The following ARHGEF3 variants were observed in gnomAD, a reference collection of about 807,000 sequenced individuals.
ARHGEF3 encodes the protein 59.8 kDA protein.
In ARHGEF3, 28 loss-of-function variants were observed where a neutral mutation model predicts 63.2. The ratio of observed to expected loss-of-function variants is 0.44; its 90% CI spans 0.33 to 0.61. ARHGEF3 has a LOEUF of 0.61. Ranked by LOEUF, ARHGEF3 falls within the 20% of genes least tolerant of loss-of-function variation. The pLI is 0.03. For missense variants in ARHGEF3, 533 were observed against 659.3 expected (o/e 0.81, Z 2.10); for synonymous variants, 266 against 254.2 (o/e 1.05, Z -0.44).
At chr3:56,953,496 A>C (rs1177100773) in intron 3 of ARHGEF3, among the ~76,000 whole-genome samples, 1 of 152,148 alleles carries the variant, frequency 6.6e-6, no homozygotes, top group Non-Finnish European at 1.5e-5. Context: ...TTTGGTAACA[A>C]CACCAAACTC....
intron 3 of ARHGEF3, among the ~76,000 whole-genome samples, chr3:56,928,282 C>T (rs112963755): frequency 0.021 from 3,248 of 152,278 alleles, 107 homozygotes; most frequent in African/African-American, 0.071. Flanking sequence ...CTTATCACCA[C>T]AGCAACCCTC....
chr3:56,853,663 A>G (rs1303335912), intron 4 of ARHGEF3, among the ~76,000 whole-genome samples: 1 of 152,190 alleles, frequency 6.6e-6, no homozygotes, highest in Non-Finnish European at 1.5e-5. Context: ...ATGTTGCTCA[A>G]TGTTAAGAAC....
chr3:56,992,364 G>A (rs1320125160), intron 2 of ARHGEF3, among the ~76,000 whole-genome samples: 1 of 121,274 alleles, frequency 8.2e-6, no homozygotes, highest in East Asian at 2.3e-4. Flanking sequence ...CTATGGTAGG[G>A]AGGATGGCTT....
intron 2 of ARHGEF3, among the ~76,000 whole-genome samples, chr3:56,968,319 A>ATATT (rs1201023941): frequency 2.1e-4 from 12 of 58,144 alleles, no homozygotes; most frequent in South Asian, 4.2e-4. Flanking sequence ...TATAAAATAT[A>ATATT]TTTTATATAT....
intron 1 of ARHGEF3, chr3:56,775,345 C>T (rs2036236293): frequency 8.9e-7 from 1 of 1,127,948 alleles, no homozygotes; most frequent in Non-Finnish European, 1.1e-6. Context: ...AATAGACTGT[C>T]TCCAAGCTTT....
chr3:56,752,660 T>C (rs1421676297), intron 4 of ARHGEF3, among the ~76,000 whole-genome samples: 1 of 152,226 alleles, frequency 6.6e-6, no homozygotes, highest in Admixed American at 6.5e-5. Flanking sequence ...GTGCTTGAGT[T>C]TGGCAAATCT....
At position 57,039,165 on chromosome 3, in the gene ARHGEF3, G is replaced by A. The variant is rs553666299; in HGVS notation, c.-27-3989C>T. ...AAAACTCTGGCACCACCACTCCCTCGTTCCTCTCCTCAGCTGGCAGGATCA... is the reference window on the plus strand; with the variant it reads ...AAAACTCTGGCACCACCACTCCCTCATTCCTCTCCTCAGCTGGCAGGATCA... On this transcript the variant is annotated intron_variant, in intron 1 of 12. Coordinates refer to the ARHGEF3 transcript ENST00000338458. Among the ~76,000 whole-genome samples the A allele has an allele frequency of 1.8e-4, 27 of 152,224 alleles. No individual in the cohort carries two copies. In the Middle Eastern group the frequency reaches 0.014, roughly 77 times the overall value.
At chr3:56,931,751 A>G (rs1453513368) in intron 3 of ARHGEF3, among the ~76,000 whole-genome samples, 3 of 152,158 alleles carry the variant, frequency 2.0e-5, no homozygotes, top group Non-Finnish European at 4.4e-5. Flanking sequence ...GTCCCAAGCA[A>G]GCACTCAGAA....
At chr3:56,901,859 C>T (rs578054761) in intron 3 of ARHGEF3, among the ~76,000 whole-genome samples, 57 of 152,198 alleles carry the variant, frequency 3.7e-4, no homozygotes, top group Non-Finnish European at 6.3e-4. Context: ...TTCTGCTTAA[C>T]GACACCTTAT....
At chr3:56,855,861 C>G (rs762215961) in intron 4 of ARHGEF3, among the ~76,000 whole-genome samples, 1 of 152,144 alleles carries the variant, frequency 6.6e-6, no homozygotes, top group Non-Finnish European at 1.5e-5. Flanking sequence ...CAGTTACCGT[C>G]AGAAAAGGCA....
intron 2 of ARHGEF3, among the ~76,000 whole-genome samples, chr3:56,763,650 T>A (rs143889276): frequency 7.9e-5 from 12 of 152,328 alleles, no homozygotes; most frequent in Admixed American, 2.0e-4. Context: ...TACAACAAAA[T>A]GTTAACAAGG....
chr3:57,035,870 T>C (rs936684200), intron 1 of ARHGEF3, among the ~76,000 whole-genome samples: 12 of 152,212 alleles, frequency 7.9e-5, no homozygotes, highest in African/African-American at 2.4e-4. Flanking sequence ...TGTGATTGCA[T>C]CTAGCACAGC....
intron 7 of ARHGEF3, among the ~76,000 whole-genome samples, chr3:56,741,184 C>CCTTTTTT (rs754074079): frequency 7.8e-6 from 1 of 128,872 alleles, no homozygotes; most frequent in Non-Finnish European, 1.6e-5. Flanking sequence ...TGCTTTGGTT[C>CCTTTTTT]TTTTTTTTTT....
chr3:56,734,770 G>A (rs1442393093), intron 8 of ARHGEF3, among the ~76,000 whole-genome samples: 2 of 152,038 alleles, frequency 1.3e-5, no homozygotes, highest in Non-Finnish European at 2.9e-5. Flanking sequence ...TGGCTAGAGG[G>A]AATAAAATGT....
chr3:56,794,219 G>A (rs2037226427), intron 1 of ARHGEF3, among the ~76,000 whole-genome samples: 3 of 152,140 alleles, frequency 2.0e-5, no homozygotes, highest in Admixed American at 6.5e-5. Flanking sequence ...CAGGCATGGT[G>A]GCTCACGCCT....
At chr3:56,800,139 T>A (rs938871882) in intron 1 of ARHGEF3, among the ~76,000 whole-genome samples, 4 of 152,208 alleles carry the variant, frequency 2.6e-5, no homozygotes, top group Non-Finnish European at 5.9e-5. Flanking sequence ...GCTAAACTAC[T>A]CAAAAACACA....
chr3:56,767,487 G>C (rs1403634054), intron 2 of ARHGEF3, among the ~76,000 whole-genome samples: 2 of 145,976 alleles, frequency 1.4e-5, no homozygotes, highest in Non-Finnish European at 3.0e-5. Flanking sequence ...GGGAGGCCGA[G>C]ACAGGAGAAT....
At chr3:56,807,987 G>A (rs2037925296) in intron 4 of ARHGEF3, among the ~76,000 whole-genome samples, 1 of 152,086 alleles carries the variant, frequency 6.6e-6, no homozygotes, top group Admixed American at 6.5e-5. Context: ...AGCCAGGCAT[G>A]GTGGCGGGTG....
chr3:56,939,244 C>T (rs978935043), intron 3 of ARHGEF3, among the ~76,000 whole-genome samples: 6 of 152,056 alleles, frequency 3.9e-5, no homozygotes, highest in Non-Finnish European at 5.9e-5. Context: ...AAACCTAACA[C>T]GGAGGAAAGA....
Sources: allele counts gnomAD v4.1 joint callset (sites outside exome capture counted in the v4.1 genomes callset), GRCh38; gene constraint gnomAD v4.1.1; transcripts MANE v1.5; gene names NCBI Gene and HGNC (gene_info 2026-07-23, HGNC 2026-07-21).